Variants in VPS54 observed in about 807,000 individuals in gnomAD.
VPS54 encodes vacuolar protein sorting-associated protein 54.
A neutral mutation model predicts 121.5 loss-of-function variants in VPS54; 45 were observed. The ratio of observed to expected loss-of-function variants is 0.37; its 90% CI spans 0.29 to 0.47. The LOEUF is 0.47. VPS54 is among the 20% of genes least tolerant of loss of function. VPS54 has a pLI of 0.99. For missense variants in VPS54, 1,090 were observed against 1,131.4 expected, an observed-to-expected ratio of 0.96 and a Z score of 0.52; for synonymous variants, 371 against 385.8, an observed-to-expected ratio of 0.96 and a Z score of 0.45.
rs138053614 is a variant in VPS54 at position 63,892,577 on chromosome 2, G to A, written c.*853C>T. 297 of 152,586 alleles carry A rather than the reference G, an allele frequency of 1.9e-3. No homozygotes were observed. Among genetic ancestry groups the A allele is most frequent in the African/African-American group, 6.9e-3 (285 of 41,520 alleles). The allele number at this position is 152,586 out of a possible 1,614,324, so 9.5% of individuals were successfully genotyped here. A position where few individuals can be genotyped will look rare whatever the true frequency, so the allele number is the denominator to read the frequency against. On this transcript the variant is annotated 3_prime_UTR_variant, in exon 23 of 23. Coordinates refer to ENST00000272322, the MANE Select transcript of VPS54 (RefSeq NM_016516.3). The stretch of plus-strand genomic sequence containing the variant: ...ATGTTAATATGAGAACTCAAAAGTA[G>A]GCAGATTATATGAATACATATTCTT...
chr2:63,927,776 A>G (rs1254140559), intron 12 of VPS54, among the ~76,000 whole-genome samples: 1 of 152,162 alleles, frequency 6.6e-6, no homozygotes, highest in African/African-American at 2.4e-5. Context: ...AGAAGATTAG[A>G]TGAGTGGCTA....
At chr2:63,912,454 T>C (rs749221735) in intron 19 of VPS54, 29 bp from the exon 20 acceptor site, 5 of 1,611,080 alleles carry the variant, frequency 3.1e-6, no homozygotes, top group African/African-American at 1.3e-5. Context: ...ATTGTATTTT[T>C]AAGTCCCTGG....
rs781254449 is a variant in VPS54, at chr2:63,919,982, T to G, written c.2065A>C (p.Asn689His). Reference protein sequence around the residue: ...RKTKLSLLLDNERWKQADVPA... With the variant: ...RKTKLSLLLDHERWKQADVPA... ...ACATCTGCTTGCTTCCAGCGCTCAT[T>G]GTCTAAGAGGAGGCTAGTCCACAGT... is the stretch of plus-strand genomic sequence containing the variant. Residue 689 changes from asparagine to histidine, a missense_variant, in exon 15 of 23, where the codon AAT becomes CAT. By Grantham distance (68) the Asn-to-His change is moderately conservative. Around this residue, in one of 2 missense-constraint regions of VPS54, gnomAD observed 289 missense variants for 374.4 expected, o/e 0.77. Transcript: ENST00000272322. The G allele has an allele frequency of 6.2e-7, 1 of 1,611,318 alleles. No homozygotes were observed. The highest frequency in any genetic ancestry group is 1.1e-5 in the South Asian group (1 of 90,728).
In VPS54 at chr2:63,979,703, T is replaced by C. The variant is rs565219331; in HGVS notation, c.378+1943A>G. 2.0e-5 allele frequency among the ~76,000 whole-genome samples: 3 copies of C among 152,356 alleles called. No individual in the cohort carries two copies. The East Asian group carries it at 5.8e-4, about 29-fold the overall frequency. On this transcript the variant is annotated intron_variant, in intron 3 of 22. Coordinates refer to ENST00000272322, the MANE Select transcript of VPS54 (RefSeq NM_016516.3). ...GTTTTCATTTCCATTCAGTTCAAAC[T>C]ACTTTCTGATTTTTCTTTCTTCTTT...
At chr2:63,899,109 T>C (rs1466283827) in intron 21 of VPS54, among the ~76,000 whole-genome samples, 1 of 152,196 alleles carries the variant, frequency 6.6e-6, no homozygotes, top group Non-Finnish European at 1.5e-5. Context: ...CATATCCAAT[T>C]TGAATTACAA....
At chr2:63,894,496 G>GT (rs1297764060) in intron 22 of VPS54, among the ~76,000 whole-genome samples, 3 of 152,150 alleles carry the variant, frequency 2.0e-5, no homozygotes, top group Non-Finnish European at 2.9e-5. Flanking sequence ...GAGCTCAGGA[G>GT]TTTAAGACCA....
At chr2:63,970,408 G>C (rs1327257924) in intron 4 of VPS54, among the ~76,000 whole-genome samples, 2 of 149,882 alleles carry the variant, frequency 1.3e-5, no homozygotes, top group African/African-American at 4.9e-5. Context: ...ACCCGATCTA[G>C]TCCTGGCCAT....
At chr2:64,013,717 T>G (rs548189536) in intron 1 of VPS54, among the ~76,000 whole-genome samples, 1 of 147,446 alleles carries the variant, frequency 6.8e-6, no homozygotes, top group South Asian at 2.1e-4. Flanking sequence ...ATATATCATA[T>G]AGAGAGATAT....
At chr2:63,972,833 A>G (rs2033864) in intron 3 of VPS54, among the ~76,000 whole-genome samples, 18,327 of 151,846 alleles carry the variant, frequency 0.12, 2,558 homozygotes, top group African/African-American at 0.34. Context: ...AACCGAGATC[A>G]TGCCATTGCA....
chr2:64,009,430 C>G (rs1678325943), intron 1 of VPS54, among the ~76,000 whole-genome samples: 1 of 152,092 alleles, frequency 6.6e-6, no homozygotes, highest in South Asian at 2.1e-4. Context: ...ATTCTCCTGC[C>G]TCAGCCTCCT....
intron 1 of VPS54, among the ~76,000 whole-genome samples, chr2:63,984,473 T>G (rs548968669): frequency 6.6e-6 from 1 of 152,332 alleles, no homozygotes; most frequent in Non-Finnish European, 1.5e-5. Flanking sequence ...TGAAACGAGA[T>G]CTTATCTCAT....
At chr2:63,933,130 GT>G (rs1457825698) in intron 12 of VPS54, among the ~76,000 whole-genome samples, 1 of 151,958 alleles carries the variant, frequency 6.6e-6, no homozygotes, top group Non-Finnish European at 1.5e-5. Context: ...TTATATGAGA[GT>G]TTTTTGTTCT....
intron 20 of VPS54, among the ~76,000 whole-genome samples, chr2:63,910,683 C>T (rs1009511575): frequency 3.3e-5 from 5 of 151,876 alleles, no homozygotes; most frequent in Admixed American, 6.6e-5. Flanking sequence ...TTGTTAATAA[C>T]GAATATAGGT....
At chr2:63,923,917 G>A (rs530254467) in intron 12 of VPS54, among the ~76,000 whole-genome samples, 3 of 152,318 alleles carry the variant, frequency 2.0e-5, no homozygotes, top group East Asian at 3.9e-4. Flanking sequence ...AATAGTCAGA[G>A]CCGTTGTATG....
At chr2:63,940,155 C>G (rs1395530742) in intron 11 of VPS54, among the ~76,000 whole-genome samples, 1 of 152,146 alleles carries the variant, frequency 6.6e-6, no homozygotes, top group Non-Finnish European at 1.5e-5. Flanking sequence ...AAGAATGTGT[C>G]AAGCATAATT....
At chr2:63,950,197 T>C (rs746764236) in intron 7 of VPS54, among the ~76,000 whole-genome samples, 4 of 152,232 alleles carry the variant, frequency 2.6e-5, no homozygotes, top group Non-Finnish European at 5.9e-5. Context: ...CAGGAATTTA[T>C]TGTTTCGGGC....
chr2:64,001,742 A>AAAAGTCCTCTTTACTCTTCC (rs1328984964), intron 1 of VPS54, among the ~76,000 whole-genome samples: 1 of 151,936 alleles, frequency 6.6e-6, no homozygotes, highest in African/African-American at 2.4e-5. Flanking sequence ...GATGTAAGAC[A>AAAAGTCCTCTTTACTCTTCC]AAAGTCCTCT....
intron 17 of VPS54, 37 bp downstream of exon 17, chr2:63,914,144 CG>C: frequency 6.5e-7 from 1 of 1,527,894 alleles, no homozygotes; most frequent in Non-Finnish European, 9.0e-7. Context: ...ATTAATTCCT[CG>C]AAAAATTTTT....
chr2:63,927,051 T>C (rs1451149020), intron 12 of VPS54, among the ~76,000 whole-genome samples: 9 of 152,186 alleles, frequency 5.9e-5, no homozygotes, highest in Non-Finnish European at 1.5e-5. Context: ...GCCTACTGCC[T>C]CTCTGGATTC....
Sources: allele counts gnomAD v4.1 joint callset (sites outside exome capture counted in the v4.1 genomes callset), GRCh38; gene constraint gnomAD v4.1.1; regional missense constraint gnomAD v4.1.1; transcripts MANE v1.5; gene names NCBI Gene and HGNC (gene_info 2026-07-23, HGNC 2026-07-21).